The following BTBD8 variants were observed in gnomAD, a reference collection of about 807,000 sequenced individuals.
BTBD8 encodes BTB domain containing 8.
Under a neutral mutation model 162.9 loss-of-function variants are expected in BTBD8, and 110 were observed. The ratio of observed to expected loss-of-function variants is 0.68; its 90% CI spans 0.58 to 0.79. BTBD8 has a LOEUF of 0.79. Among genes scored for constraint, BTBD8 ranks in the 30% least tolerant of loss-of-function variants. The probability of loss-of-function intolerance (pLI) is 0.00; values close to 1 mark genes in which losing one functional copy is unlikely to be tolerated. For synonymous variants in BTBD8, 667 were observed against 716.1 expected (o/e 0.93, Z 1.10); for missense variants, 1,905 against 2,085.4 (o/e 0.91, Z 1.68).
chr1:92,095,696 T>C (rs1192614521), intron 2 of BTBD8, among the ~76,000 whole-genome samples: 2 of 152,218 alleles, frequency 1.3e-5, no homozygotes, highest in South Asian at 4.1e-4. Flanking sequence ...TATGTGTTAG[T>C]AATTGCAATT....
Position 92,181,359 on chromosome 1 carries a change from A to G in BTBD8, c.3676A>G (p.Thr1226Ala), listed in dbSNP as rs1650899422. Residue 1226 changes from threonine to alanine, a missense_variant, in exon 17 of 18, where the codon ACT becomes GCT. Coordinates refer to ENST00000636805, the MANE Select transcript of BTBD8 (RefSeq NM_001376131.1). The part of the protein sequence containing the change: ...ETSESPESHE[T>A]PETPFVGHWN... Reference sequence around the variant, plus strand: ...ATCAGAATCTCCAGAGAGCCATGAAACTCCAGAAACTCCATTTGTGGGTCA... The same window carrying G: ...ATCAGAATCTCCAGAGAGCCATGAAGCTCCAGAAACTCCATTTGTGGGTCA... 2.6e-6 allele frequency: 4 copies of G among 1,551,478 alleles called. No individual in the cohort carries two copies. Among genetic ancestry groups the G allele is most frequent in the Non-Finnish European group, 3.5e-6 (4 of 1,146,972 alleles).
chr1:92,104,564 G>A (rs1409324902), intron 3 of BTBD8, among the ~76,000 whole-genome samples: 7 of 152,136 alleles, frequency 4.6e-5, no homozygotes, highest in African/African-American at 1.7e-4. Context: ...TGGCTCTATG[G>A]CAACCCTTTA....
At chr1:92,143,052 G>A (rs918068910) in intron 7 of BTBD8, among the ~76,000 whole-genome samples, 4 of 152,160 alleles carry the variant, frequency 2.6e-5, no homozygotes, top group Non-Finnish European at 5.9e-5. Context: ...AAAGATAGGT[G>A]TTAAAATAGT....
chr1:92,110,750 T>G (rs1042690509), intron 4 of BTBD8, among the ~76,000 whole-genome samples: 3 of 151,968 alleles, frequency 2.0e-5, no homozygotes, highest in African/African-American at 7.2e-5. Flanking sequence ...TCACTGTGTT[T>G]GCCAGGATGG....
intron 2 of BTBD8, among the ~76,000 whole-genome samples, chr1:92,100,198 T>G (rs936338479): frequency 2.0e-5 from 3 of 152,248 alleles, no homozygotes; most frequent in Non-Finnish European, 2.9e-5. Context: ...TTGTCATGGT[T>G]TATAATCCCT....
At chr1:92,148,304 G>T (rs920506249) in intron 9 of BTBD8, among the ~76,000 whole-genome samples, 15 of 152,186 alleles carry the variant, frequency 9.9e-5, no homozygotes, top group African/African-American at 3.6e-4. Context: ...TGAACTTACA[G>T]AATGCCTTAT....
intron 9 of BTBD8, among the ~76,000 whole-genome samples, chr1:92,159,902 T>C (rs1250021031): frequency 1.3e-5 from 2 of 152,202 alleles, no homozygotes; most frequent in Non-Finnish European, 2.9e-5. Context: ...TGGGAGTACT[T>C]TGGGCTTCCT....
intron 2 of BTBD8, among the ~76,000 whole-genome samples, chr1:92,100,641 A>C (rs1335132910): frequency 6.6e-6 from 1 of 151,850 alleles, no homozygotes; most frequent in African/African-American, 2.4e-5. Flanking sequence ...ATGGAGTCTC[A>C]CACTGTCACC....
chr1:92,102,461 T>A lies in BTBD8; in HGVS notation c.348-12T>A. ...ATGTTATTTTATTAATATTTTATATTTTGTCTTTTAGGATTATATATTCAT... is the reference window on the plus strand; with the variant it reads ...ATGTTATTTTATTAATATTTTATATATTGTCTTTTAGGATTATATATTCAT... On this transcript the variant is annotated splice_polypyrimidine_tract_variant and intron_variant, in intron 2 of 17. Transcript: ENST00000636805. The A allele has an allele frequency of 7.3e-7, 1 of 1,362,482 alleles. No individual in the cohort carries two copies. The highest frequency in any genetic ancestry group is 9.7e-7 in the Non-Finnish European group (1 of 1,029,648). The allele number at this position is 1,362,482 out of a possible 1,614,324, so 84.4% of individuals were successfully genotyped here. A position where few individuals can be genotyped will look rare whatever the true frequency, so the allele number is the denominator to read the frequency against.
chr1:92,102,085 A>C (rs1355829941), intron 2 of BTBD8, among the ~76,000 whole-genome samples: 1 of 151,954 alleles, frequency 6.6e-6, no homozygotes, highest in East Asian at 1.9e-4. Flanking sequence ...ACAGTGGCAC[A>C]ATCTCAGCTC....
chr1:92,181,942 C>G lies in BTBD8; in HGVS notation c.4259C>G (p.Ala1420Gly), dbSNP rs1222476962. ...QGIINLAFED[A>G]TENECREFSA... ...ATAATTAATTTAGCTTTTGAAGATG[C>G]AACTGAAAATGAATGTCGTGAATTT... Residue 1420 changes from alanine to glycine, a missense_variant, in exon 17 of 18, where the codon GCA becomes GGA. By Grantham distance (60) the Ala-to-Gly change is moderately conservative. Around this residue, in one of 3 missense-constraint regions of BTBD8, gnomAD observed 517 missense variants for 606.6 expected, o/e 0.85. Transcript: ENST00000636805. The G allele has an allele frequency of 1.3e-6, 2 of 1,551,546 alleles. No individual in the cohort carries two copies. The highest frequency in any genetic ancestry group is 2.0e-5 in the Admixed American group (1 of 50,982).
chr1:92,101,624 G>A (rs1648594008), intron 2 of BTBD8, among the ~76,000 whole-genome samples: 1 of 152,140 alleles, frequency 6.6e-6, no homozygotes, highest in African/African-American at 2.4e-5. Context: ...CCATTTTTTG[G>A]CATTATATAT....
At chr1:92,176,455 T>G (rs1650712899) in intron 13 of BTBD8, among the ~76,000 whole-genome samples, 1 of 152,192 alleles carries the variant, frequency 6.6e-6, no homozygotes, top group Non-Finnish European at 1.5e-5. Flanking sequence ...AAAGATGTAG[T>G]ATAAAACATG....
chr1:92,090,181 A>G (rs948374473), intron 2 of BTBD8, among the ~76,000 whole-genome samples: 14 of 152,198 alleles, frequency 9.2e-5, no homozygotes, highest in Admixed American at 2.0e-4. Flanking sequence ...GATTATATAT[A>G]TGGTAACTAT....
chr1:92,107,471 A>G (rs1017522622), intron 3 of BTBD8, among the ~76,000 whole-genome samples: 4 of 152,156 alleles, frequency 2.6e-5, no homozygotes, highest in South Asian at 2.1e-4. Context: ...TGCCAACACT[A>G]TTCATTGCAG....
At chr1:92,129,564 G>C (rs1649456974) in intron 4 of BTBD8, 123 bp from the exon 5 acceptor site, 2 of 763,224 alleles carry the variant, frequency 2.6e-6, no homozygotes, top group Non-Finnish European at 4.4e-6. Context: ...TCCTGCCTAT[G>C]AATACAAACA....
chr1:92,171,460 G>T lies in BTBD8; in HGVS notation c.1635G>T (p.Gln545His). ...LGKKPIFSSS[Q>H]QRKQVSDSGD... ...AAAAGCCTATATTCAGTAGCTCGCA[G>T]GTAAACTTTCTAAATTTTATAGGTA... The change falls in exon 13 of 18, where the codon CAG becomes CAT. Residue 545 changes from glutamine (Q) to histidine (H), a missense_variant and splice_region_variant. By Grantham distance (24) the Gln-to-His change is conservative (BLOSUM62 0). Coordinates refer to ENST00000636805, the MANE Select transcript of BTBD8 (RefSeq NM_001376131.1). 6.6e-7 allele frequency: 1 copy of T among 1,504,644 alleles called. No homozygotes were observed. The highest frequency in any genetic ancestry group is 8.9e-7 in the Non-Finnish European group (1 of 1,120,800). The allele number at this position is 1,504,644 out of a possible 1,614,324, so 93.2% of individuals were successfully genotyped here.
At position 92,128,710 on chromosome 1, in the gene BTBD8, G is replaced by A. The variant is rs531138392; in HGVS notation, c.663-977G>A. Among the ~76,000 whole-genome samples, 40 of 152,140 alleles carry A rather than the reference G, an allele frequency of 2.6e-4. 1 individual carries two copies. The South Asian group carries it at 2.9e-3, about 11-fold the overall frequency. ...GCTGAGATGACAGGCGTGAGTCACCGTGCCTGGCCTATTATTTTTTAAATA... is the reference window on the plus strand; with the variant it reads ...GCTGAGATGACAGGCGTGAGTCACCATGCCTGGCCTATTATTTTTTAAATA... On this transcript the variant is annotated intron_variant, in intron 4 of 17. Coordinates refer to ENST00000636805, the MANE Select transcript of BTBD8 (RefSeq NM_001376131.1).
chr1:92,156,593 T>A (rs510857), intron 9 of BTBD8, among the ~76,000 whole-genome samples: 3,926 of 152,296 alleles, frequency 0.026, 74 homozygotes, highest in Non-Finnish European at 0.029. Flanking sequence ...GATGGGAGAC[T>A]TTTTATTACA....
Sources: allele counts gnomAD v4.1 joint callset (sites outside exome capture counted in the v4.1 genomes callset), GRCh38; gene constraint gnomAD v4.1.1; regional missense constraint gnomAD v4.1.1; transcripts MANE v1.5; gene names NCBI Gene and HGNC (gene_info 2026-07-23, HGNC 2026-07-21).